The following THRB variants were observed in gnomAD, a reference collection of about 807,000 sequenced individuals.
The protein encoded by THRB is nuclear receptor subfamily 1 group A member 2.
A neutral mutation model predicts 47.8 loss-of-function variants in THRB; 12 were observed. The observed-to-expected ratio is 0.25, with a 90% CI of 0.16 to 0.41. The LOEUF (loss-of-function observed/expected upper bound fraction) is 0.41, where lower values mean the gene tolerates loss of function less well. Among genes scored for constraint, THRB ranks in the 10% least tolerant of loss-of-function variants. THRB has a pLI of 1.00. For missense variants in THRB, 348 were observed against 589.2 expected, an observed-to-expected ratio of 0.59 and a Z score of 4.24; for synonymous variants, 218 against 212.2, an observed-to-expected ratio of 1.03 and a Z score of -0.24.
At chr3:24,157,248 C>G (rs1352875957) in intron 5 of THRB, among the ~76,000 whole-genome samples, 3 of 151,966 alleles carry the variant, frequency 2.0e-5, no homozygotes, top group South Asian at 2.1e-4. Context: ...GAGTCTCTTT[C>G]TTTACACTTT....
intron 5 of THRB, among the ~76,000 whole-genome samples, chr3:24,160,653 A>G (rs559780750): frequency 9.9e-5 from 15 of 152,278 alleles, no homozygotes; most frequent in African/African-American, 3.4e-4. Context: ...CAGATAACCA[A>G]GTGGGCACCG....
At chr3:24,414,137 A>G (rs1298380341) in intron 1 of THRB, among the ~76,000 whole-genome samples, 11 of 151,908 alleles carry the variant, frequency 7.2e-5, no homozygotes, top group Admixed American at 6.6e-4. Context: ...TAGCAATGGC[A>G]CTGGTGCAAA....
chr3:24,244,794 G>A (rs763549928), intron 3 of THRB, among the ~76,000 whole-genome samples: 47 of 152,132 alleles, frequency 3.1e-4, no homozygotes, highest in Non-Finnish European at 5.4e-4. Context: ...ACTCACTGAT[G>A]TTATGGTAAT....
chr3:24,223,122 G>T (rs577754104), intron 4 of THRB, among the ~76,000 whole-genome samples: 27 of 152,266 alleles, frequency 1.8e-4, no homozygotes, highest in African/African-American at 6.5e-4. Context: ...TCAGTCCTAA[G>T]GCCTGGGGAT....
chr3:24,261,794 C>G (rs796101590), intron 3 of THRB, among the ~76,000 whole-genome samples: 20 of 152,328 alleles, frequency 1.3e-4, no homozygotes, highest in African/African-American at 4.3e-4. Context: ...TAGCTTCTCA[C>G]TACCTCTTCA....
intron 3 of THRB, among the ~76,000 whole-genome samples, chr3:24,257,037 A>G (rs1312771227): frequency 6.6e-6 from 1 of 152,084 alleles, no homozygotes; most frequent in Non-Finnish European, 1.5e-5. Flanking sequence ...CGGTTGTGAT[A>G]GCTGTAACTT....
chr3:24,256,177 G>A (rs536800393), intron 3 of THRB, among the ~76,000 whole-genome samples: 73 of 152,324 alleles, frequency 4.8e-4, no homozygotes, highest in Middle Eastern at 3.4e-3. Context: ...AGAGTAATCA[G>A]TGGTACTGAA....
intron 4 of THRB, 28 bp from the exon 5 acceptor site, chr3:24,190,362 G>T: frequency 1.2e-6 from 2 of 1,613,832 alleles, no homozygotes; most frequent in South Asian, 2.2e-5. Flanking sequence ...ACGAGATGAC[G>T]AGCTGTTGGC....
intron 1 of THRB, among the ~76,000 whole-genome samples, chr3:24,399,309 G>T (rs2067221856): frequency 6.6e-6 from 1 of 151,718 alleles, no homozygotes; most frequent in South Asian, 2.1e-4. Flanking sequence ...CTACCTGAAG[G>T]GCATAATGGT....
intron 1 of THRB, among the ~76,000 whole-genome samples, chr3:24,408,504 A>G (rs2068011335): frequency 6.6e-6 from 1 of 151,848 alleles, no homozygotes; most frequent in Non-Finnish European, 1.5e-5. Context: ...TCCATACTTG[A>G]GTACAAGTGT....
intron 3 of THRB, among the ~76,000 whole-genome samples, chr3:24,233,072 TA>T (rs1473536346): frequency 6.6e-6 from 1 of 152,180 alleles, no homozygotes; most frequent in Non-Finnish European, 1.5e-5. Flanking sequence ...GTCCCTTAAA[TA>T]AAGCTCATTC....
Position 24,376,422 on chromosome 3 carries a change from A to T in THRB, c.-260-39051T>A, listed in dbSNP as rs141999948. Among the ~76,000 whole-genome samples, 206 of 152,296 alleles carry T rather than the reference A, an allele frequency of 1.4e-3. 4 individuals carry two copies. Among genetic ancestry groups the T allele is most frequent in the African/African-American group, 4.7e-3 (197 of 41,582 alleles). ...ATGGTAGGAATTTGTGGAGCAAAGT[A>T]TTAGAGAGGAAGCTGCACAAGAAAA... On this transcript the variant is annotated intron_variant, in intron 1 of 10. Transcript: ENST00000646209.
intron 2 of THRB, among the ~76,000 whole-genome samples, chr3:24,311,585 C>CT (rs1222816156): frequency 6.6e-6 from 1 of 152,156 alleles, no homozygotes; most frequent in Non-Finnish European, 1.5e-5. Flanking sequence ...GAGTCCGTAT[C>CT]TTAGCAAATG....
intron 2 of THRB, among the ~76,000 whole-genome samples, chr3:24,314,073 A>G (rs2057946475): frequency 6.6e-6 from 1 of 152,232 alleles, no homozygotes; most frequent in South Asian, 2.1e-4. Flanking sequence ...AATCTACTGT[A>G]GTACTGAGAT....
intron 1 of THRB, among the ~76,000 whole-genome samples, chr3:24,438,772 G>C (rs1416464727): frequency 1.3e-5 from 2 of 152,014 alleles, no homozygotes; most frequent in East Asian, 1.9e-4. Context: ...ACTGGCCCTC[G>C]GTAAGAGAGT....
At chr3:24,253,156 G>A (rs542687372) in intron 3 of THRB, among the ~76,000 whole-genome samples, 1 of 152,130 alleles carries the variant, frequency 6.6e-6, no homozygotes, top group Non-Finnish European at 1.5e-5. Flanking sequence ...GAGATGAAAT[G>A]CAATAACATA....
At chr3:24,199,223 A>G (rs144074590) in intron 4 of THRB, among the ~76,000 whole-genome samples, 1 of 152,344 alleles carries the variant, frequency 6.6e-6, no homozygotes, top group African/African-American at 2.4e-5. Flanking sequence ...AGACTTGATC[A>G]ATACGGTCTG....
chr3:24,275,519 G>A (rs578059059), intron 3 of THRB, among the ~76,000 whole-genome samples: 32 of 152,172 alleles, frequency 2.1e-4, no homozygotes, highest in Non-Finnish European at 3.2e-4. Context: ...AGAGGTCAGG[G>A]GGAAAAAGCT....
chr3:24,367,419 G>A (rs1163315487), intron 1 of THRB, among the ~76,000 whole-genome samples: 2 of 152,124 alleles, frequency 1.3e-5, no homozygotes, highest in South Asian at 2.1e-4. Context: ...GATTAGCAGC[G>A]ACATGAAATA....
Sources: gnomAD v4.1 joint callset for allele counts (sites outside exome capture counted in the v4.1 genomes callset) on GRCh38, gnomAD v4.1.1 for gene constraint, MANE v1.5 for transcripts, NCBI Gene and HGNC (gene_info 2026-07-23, HGNC 2026-07-21) for gene names.